The following MATN4 variants were observed in gnomAD, a reference collection of about 807,000 sequenced individuals.
MATN4 encodes the protein matrilin-4.
A neutral mutation model predicts 54.6 loss-of-function variants in MATN4; 40 were observed. The ratio of observed to expected loss-of-function variants is 0.73; its 90% CI spans 0.57 to 0.95. The LOEUF is 0.95. Among genes scored for constraint, MATN4 ranks in the 40% least tolerant of loss-of-function variants. The probability of loss-of-function intolerance (pLI) is 0.00; values close to 1 mark genes in which losing one functional copy is unlikely to be tolerated. For missense variants in MATN4, 810 were observed against 819.1 expected (o/e 0.99, Z 0.13); for synonymous variants, 351 against 345.3 (o/e 1.02, Z -0.18).
rs1283489187 is a variant in MATN4, at chr20:45,293,492, A to G, written c.*275T>C. Reference sequence around the variant, plus strand: ...TATTTTTTTAAGAACACAAACAAGAAATCCAACAAAGAACTGAGCGCAGCA... The same window carrying G: ...TATTTTTTTAAGAACACAAACAAGAGATCCAACAAAGAACTGAGCGCAGCA... On this transcript the variant is annotated 3_prime_UTR_variant, in exon 10 of 10. Coordinates refer to ENST00000372756, the MANE Select transcript of MATN4 (RefSeq NM_001393530.1). 2 of 400,332 alleles carry G rather than the reference A, an allele frequency of 5.0e-6. No individual in the cohort carries two copies. Among genetic ancestry groups the G allele is most frequent in the Non-Finnish European group, 8.8e-6 (2 of 227,458 alleles). The allele number at this position is 400,332 out of a possible 1,614,324, so 24.8% of individuals were successfully genotyped here. A position where few individuals can be genotyped will look rare whatever the true frequency, so the allele number is the denominator to read the frequency against.
intron 3 of MATN4, chr20:45,303,381 G>C (rs1335414471): frequency 9.8e-6 from 7 of 714,472 alleles, no homozygotes; most frequent in Non-Finnish European, 1.6e-5. Context: ...GACAGGGATA[G>C]CTGTCATCCA....
Position 45,304,709 on chromosome 20 carries a change from C to T in MATN4, c.162G>A (p.Arg54=), listed in dbSNP as rs1352764176. ...CTCGGAGGAGGCCCATGAGGAACTG[C>T]CGCATGGTCTCGAACTCGAAAGGGC... The part of the protein sequence containing the change: ...SVRPFEFETM[R]QFLMGLLRGL... Residue 54 remains arginine (R), a synonymous_variant, in exon 3 of 10, where the codon CGG becomes CGA. Coordinates refer to ENST00000372756, the MANE Select transcript of MATN4 (RefSeq NM_001393530.1). 6.2e-7 allele frequency: 1 copy of T among 1,612,258 alleles called. No homozygotes were observed. The highest frequency in any genetic ancestry group is 1.3e-5 in the African/African-American group (1 of 74,924).
intron 1 of MATN4, among the ~76,000 whole-genome samples, chr20:45,307,258 AG>A (rs1986796619): frequency 6.6e-6 from 1 of 152,088 alleles, no homozygotes; most frequent in Admixed American, 6.5e-5. Context: ...CTAACCCAAC[AG>A]CAGCTCCGCC....
At chr20:45,305,442 C>A in intron 2 of MATN4, 68 bp downstream of exon 2, 4 of 1,250,038 alleles carry the variant, frequency 3.2e-6, no homozygotes, top group Non-Finnish European at 4.6e-6. Context: ...GCAGGAGGAG[C>A]TGGCTGCAGA....
intron 5 of MATN4, 25 bp from the exon 6 acceptor site, chr20:45,301,034 G>A: frequency 1.2e-6 from 2 of 1,614,022 alleles, no homozygotes; most frequent in South Asian, 2.2e-5. Flanking sequence ...AGGTCAGGAT[G>A]AGTCAGGATG....
chr20:45,294,115 G>T, intron 8 of MATN4, 100 bp from the exon 9 acceptor site: 1 of 909,290 alleles, frequency 1.1e-6, no homozygotes, highest in Non-Finnish European at 1.7e-6. Flanking sequence ...TATGGGCTTT[G>T]GATTTAGAGA....
chr20:45,297,982 G>A lies in MATN4; in HGVS notation c.1515C>T (p.Ser505=), dbSNP rs778286904. 3.7e-6 allele frequency: 6 copies of A among 1,614,152 alleles called. No homozygotes were observed. Among genetic ancestry groups the A allele is most frequent in the Non-Finnish European group, 3.4e-6 (4 of 1,180,028 alleles). Residue 505 remains serine (S), a synonymous_variant, in exon 8 of 10, where the codon TCC becomes TCT. Coordinates refer to ENST00000372756, the MANE Select transcript of MATN4 (RefSeq NM_001393530.1). ...TCATGGTGCCGAAGTCCGGGGCATA[G>A]GACACGTGCAGTTCCGCTGGCTCCG... The part of the protein sequence containing the change: ...IASEPAELHV[S]YAPDFGTMTH...
At position 45,298,568 on chromosome 20, in the gene MATN4, T is replaced by C. The variant is rs771351052; in HGVS notation, c.1028A>G (p.His343Arg). 1 of 1,565,744 alleles carries C rather than the reference T, an allele frequency of 6.4e-7. No homozygotes were observed. Among genetic ancestry groups the C allele is most frequent in the South Asian group, 1.2e-5 (1 of 84,344 alleles). Residue 343 changes from histidine to arginine, a missense_variant, in exon 7 of 10, where the codon CAC becomes CGC. Transcript: ENST00000372756. The surrounding 1 kb of genome is among the most constrained non-coding windows in gnomAD (Gnocchi z 4.6). ...ATCAACCAGCAGAACAAGGTCCACG[T>C]GGCCTTCCCGGCACCCTGCACAGCC... ...GKSCNRCREG[H>R]VDLVLLVDGS...
chr20:45,306,761 G>C, intron 1 of MATN4: 1 of 507,660 alleles, frequency 2.0e-6, no homozygotes, highest in Non-Finnish European at 3.2e-6. Flanking sequence ...CGCCCACCCC[G>C]AGCAAACAGG....
rs372491490 is a variant in MATN4, at chr20:45,301,194, C to T, written c.797G>A (p.Ser266Asn). 3.7e-6 allele frequency: 6 copies of T among 1,614,022 alleles called. No homozygotes were observed. The highest frequency in any genetic ancestry group is 4.2e-6 in the Non-Finnish European group (5 of 1,180,036). Reference protein sequence around the residue: ...AIDYCSFGNHSCQHECVSTPG... With the variant: ...AIDYCSFGNHNCQHECVSTPG... ...GGTGCTAACACACTCATGCTGACAG[C>T]TATGGTTCCCAAAGCTGCAGTAGTC... is the stretch of plus-strand genomic sequence containing the variant. Residue 266 changes from serine (S) to asparagine (N), a missense_variant, in exon 5 of 10, where the codon AGC becomes AAC. Transcript: ENST00000372756.
chr20:45,298,006 C>G lies in MATN4; in HGVS notation c.1491G>C (p.Ser497=), dbSNP rs1228997570. 1 of 1,614,016 alleles carries G rather than the reference C, an allele frequency of 6.2e-7. No individual in the cohort carries two copies. Among genetic ancestry groups the G allele is most frequent in the African/African-American group, 1.3e-5 (1 of 74,940 alleles). The change falls in exon 8 of 10, where the codon TCG becomes TCC. Residue 497 remains serine (S), a synonymous_variant. Transcript: ENST00000372756. This position sits in a 1 kb window ranked among gnomAD's most constrained non-coding sequence, Gnocchi z 4.6. ...AVEAELREIA[S]EPAELHVSYA... is the part of the protein sequence containing the mutation. The stretch of plus-strand genomic sequence containing the variant: ...AGGACACGTGCAGTTCCGCTGGCTC[C>G]GAGGCGATCTCGCGCAGCTCCGCCT...
chr20:45,303,500 A>G (rs770818857), intron 3 of MATN4: 1 of 714,286 alleles, frequency 1.4e-6, no homozygotes, highest in South Asian at 1.5e-5. Context: ...CCCTCAGCAC[A>G]CTGGTCCTTC....
At chr20:45,297,800 G>A in intron 8 of MATN4, 118 bp downstream of exon 8, 1 of 1,311,938 alleles carries the variant, frequency 7.6e-7, no homozygotes, top group Non-Finnish European at 1.1e-6. Flanking sequence ...GCAAAGCTCT[G>A]TCTAGTGAGC....
rs541014287 is a variant in MATN4 at position 45,298,698 on chromosome 20, A to T, written c.1013-115T>A. The T allele has an allele frequency of 1.3e-6, 1 of 792,758 alleles. No individual in the cohort carries two copies. Among genetic ancestry groups the T allele is most frequent in the African/African-American group, 1.7e-5 (1 of 57,248 alleles). 49.1% of individuals were successfully genotyped at this position (792,758 alleles called of 1,614,324 possible). On this transcript the variant is annotated intron_variant, in intron 6 of 9. Transcript: ENST00000372756. This position sits in a 1 kb window ranked among gnomAD's most constrained non-coding sequence, Gnocchi z 4.6. ...ATTATATAACAGACAACATTTCCTG[A>T]GTCCTTCCTGTGCCAGGCAGTGTGC...
chr20:45,302,092 G>T (rs953084261), intron 3 of MATN4, among the ~76,000 whole-genome samples: 7 of 152,140 alleles, frequency 4.6e-5, no homozygotes, highest in African/African-American at 1.7e-4. Flanking sequence ...AACCAACGAA[G>T]AGGTTGATTA....
At chr20:45,303,250 C>T in intron 3 of MATN4, 1 of 568,388 alleles carries the variant, frequency 1.8e-6, no homozygotes, top group Non-Finnish European at 3.3e-6. Flanking sequence ...CAATACCTTT[C>T]TTTCTTAGGC....
At position 45,304,430 on chromosome 20, in the gene MATN4, G is replaced by A. The variant is rs893110773; in HGVS notation, c.441C>T (p.Asp147=). 1.3e-6 allele frequency: 2 copies of A among 1,535,590 alleles called. No individual in the cohort carries two copies. Among genetic ancestry groups the A allele is most frequent in the East Asian group, 2.3e-5 (1 of 42,990 alleles). The change falls in exon 3 of 10, where the codon GAC becomes GAT. Residue 147 remains aspartate, a synonymous_variant. Transcript: ENST00000372756. ...CGGCCACGCGGTCCTGGGGCCGCCC[G>A]TCTGTCACGATGACAGCGACACGCG... ...RVPRVAVIVT[D]GRPQDRVAEV... is the part of the protein sequence containing the mutation.
rs1228929367 is a variant in MATN4, at chr20:45,304,340, G to A, written c.531C>T (p.Asp177=). Residue 177 remains aspartate, a synonymous_variant, in exon 3 of 10, where the codon GAC becomes GAT. Coordinates refer to ENST00000372756, the MANE Select transcript of MATN4 (RefSeq NM_001393530.1). ...ATGCCATGGCGCGCAGGGAGCCCAC[G>A]TCCGCGCGCTGCACCCCCACCGCGT... ...EIYAVGVQRA[D]VGSLRAMASP... is the part of the protein sequence containing the mutation. 1.3e-6 allele frequency: 2 copies of A among 1,509,184 alleles called. No homozygotes were observed. Among genetic ancestry groups the A allele is most frequent in the Non-Finnish European group, 1.8e-6 (2 of 1,129,822 alleles). The allele number at this position is 1,509,184 out of a possible 1,614,324, so 93.5% of individuals were successfully genotyped here. A position where few individuals can be genotyped will look rare whatever the true frequency, so the allele number is the denominator to read the frequency against.
chr20:45,298,224 C>A lies in MATN4; in HGVS notation c.1372G>T (p.Asp458Tyr). Residue 458 changes from aspartate (D) to tyrosine (Y), a missense_variant, in exon 7 of 10, where the codon GAT becomes TAT. Asp to Tyr is a radical substitution (Grantham distance 160). Transcript: ENST00000372756. This position sits in a 1 kb window ranked among gnomAD's most constrained non-coding sequence, Gnocchi z 4.6. ...NVPRVGLVFT[D>Y]GRSQDDISVW... ...GAGATGTCATCCTGGGAGCGGCCATCCGTGAAGACCAGGCCAACACGAGGC... is the reference window on the plus strand; with the variant it reads ...GAGATGTCATCCTGGGAGCGGCCATACGTGAAGACCAGGCCAACACGAGGC... 6.2e-7 allele frequency: 1 copy of A among 1,606,890 alleles called. No homozygotes were observed. Among genetic ancestry groups the A allele is most frequent in the Non-Finnish European group, 8.5e-7 (1 of 1,174,880 alleles).
Sources: gnomAD v4.1 joint callset for allele counts (sites outside exome capture counted in the v4.1 genomes callset) on GRCh38, gnomAD v4.1.1 for gene constraint, Gnocchi (gnomAD v3.1) non-coding constraint, MANE v1.5 for transcripts, NCBI Gene and HGNC (gene_info 2026-07-23, HGNC 2026-07-21) for gene names.